The following KCNK5 variants were observed in gnomAD, a reference collection of about 807,000 sequenced individuals.
The protein encoded by KCNK5 is potassium channel subfamily K member 5.
Under a neutral mutation model 32.9 loss-of-function variants are expected in KCNK5, and 18 were observed. The ratio of observed to expected loss-of-function variants is 0.55; its 90% CI spans 0.38 to 0.81. The LOEUF (loss-of-function observed/expected upper bound fraction) is 0.81. Ranked by LOEUF, KCNK5 falls within the 30% of genes least tolerant of loss-of-function variation. The pLI is 0.00. For missense variants in KCNK5, 507 were observed against 651.0 expected, an observed-to-expected ratio of 0.78 and a Z score of 2.41; for synonymous variants, 276 against 275.3, an observed-to-expected ratio of 1.00 and a Z score of -0.03.
intron 1 of KCNK5, among the ~76,000 whole-genome samples, chr6:39,224,551 A>G (rs1771616863): frequency 6.6e-6 from 1 of 152,234 alleles, no homozygotes; most frequent in African/African-American, 2.4e-5. Context: ...GAGTGTGTAT[A>G]GACCAGTCCA....
At chr6:39,219,760 C>T (rs1245034033) in intron 1 of KCNK5, among the ~76,000 whole-genome samples, 1 of 152,148 alleles carries the variant, frequency 6.6e-6, no homozygotes, top group Non-Finnish European at 1.5e-5. Flanking sequence ...CAGACGGACA[C>T]AACAAACTGA....
intron 1 of KCNK5, among the ~76,000 whole-genome samples, chr6:39,221,713 G>A (rs1027822311): frequency 7.9e-5 from 12 of 152,106 alleles, no homozygotes; most frequent in African/African-American, 2.9e-4. Flanking sequence ...CAGGTTAGGG[G>A]CCCCCTGAGG....
chr6:39,192,526 TCA>T (rs1770960269), intron 4 of KCNK5, among the ~76,000 whole-genome samples: 1 of 152,130 alleles, frequency 6.6e-6, no homozygotes, highest in Non-Finnish European at 1.5e-5. Flanking sequence ...GGGGCTAGAC[TCA>T]CACTGGTGGA....
chr6:39,199,455 T>C (rs1292803414), intron 1 of KCNK5, among the ~76,000 whole-genome samples: 1 of 152,162 alleles, frequency 6.6e-6, no homozygotes, highest in Non-Finnish European at 1.5e-5. Flanking sequence ...CCATGACTTC[T>C]AGTATCCCTC....
chr6:39,205,970 C>T (rs1771217727), intron 1 of KCNK5, among the ~76,000 whole-genome samples: 1 of 152,210 alleles, frequency 6.6e-6, no homozygotes, highest in African/African-American at 2.4e-5. Context: ...CCACATTCAT[C>T]AAGCACCTCT....
At position 39,229,118 on chromosome 6, in the gene KCNK5, C is replaced by T; in HGVS notation, c.-7G>A. On this transcript the variant is annotated 5_prime_UTR_variant, in exon 1 of 5. Coordinates refer to ENST00000359534, the MANE Select transcript of KCNK5 (RefSeq NM_003740.4). ...GAGGGCCCCGGTCCACCATGGCTCC[C>T]GAGCGGCCGCCTCCTAGAGAAAGCC... is the stretch of plus-strand genomic sequence containing the variant. 1 of 1,613,436 alleles carries T rather than the reference C, an allele frequency of 6.2e-7. No homozygotes were observed. Among genetic ancestry groups the T allele is most frequent in the Non-Finnish European group, 8.5e-7 (1 of 1,179,730 alleles).
chr6:39,202,421 T>C (rs1407725492), intron 1 of KCNK5, among the ~76,000 whole-genome samples: 1 of 151,662 alleles, frequency 6.6e-6, no homozygotes, highest in African/African-American at 2.4e-5. Context: ...GTTGCAGAGG[T>C]GGGGATCACC....
chr6:39,192,080 G>A (rs1029927810), intron 4 of KCNK5, among the ~76,000 whole-genome samples: 6 of 151,932 alleles, frequency 3.9e-5, no homozygotes, highest in Non-Finnish European at 8.8e-5. Flanking sequence ...GATCACTTGA[G>A]GTCAGGAGTT....
rs144515993 is a variant in KCNK5, at chr6:39,191,397, G to A, written c.993C>T (p.Gly331=). ...AAGGGGGCAGTGCTGGGAGCCCACC[G>A]CCTTGAGGCCCCAGCCCTGGGCCCG... ...TGPGPGLGPQ[G]GGLPALPPSL... The change falls in exon 5 of 5, where the codon GGC becomes GGT. Residue 331 remains glycine, a synonymous_variant. Coordinates refer to ENST00000359534, the MANE Select transcript of KCNK5 (RefSeq NM_003740.4). This position sits in a 1 kb window ranked among gnomAD's most constrained non-coding sequence, Gnocchi z 5.8. The A allele has an allele frequency of 2.2e-5, 36 of 1,613,220 alleles. No homozygotes were observed. The African/African-American group carries it at 2.7e-4, about 12-fold the overall frequency.
In KCNK5 at chr6:39,229,219, A is replaced by C; in HGVS notation, c.-108T>G. ...CAGCTGTTTGAATTTGGAGCTCCGC[A>C]TGCGCAGTGCCCGGTACTCACCCCC... is the stretch of plus-strand genomic sequence containing the variant. On this transcript the variant is annotated 5_prime_UTR_variant, in exon 1 of 5. It removes an upstream start codon present in the reference 5' UTR. Coordinates refer to ENST00000359534, the MANE Select transcript of KCNK5 (RefSeq NM_003740.4). The C allele has an allele frequency of 8.9e-7, 1 of 1,120,464 alleles. No homozygotes were observed. The highest frequency in any genetic ancestry group is 2.2e-5 in the Admixed American group (1 of 45,644). 69.4% of individuals were successfully genotyped at this position (1,120,464 alleles called of 1,614,324 possible). A position where few individuals can be genotyped will look rare whatever the true frequency, so the allele number is the denominator to read the frequency against.
chr6:39,199,961 C>G (rs1771107729), intron 1 of KCNK5, among the ~76,000 whole-genome samples: 1 of 152,174 alleles, frequency 6.6e-6, no homozygotes, highest in African/African-American at 2.4e-5. Context: ...CTCCCTATTC[C>G]CACTGTGTGT....
chr6:39,190,565 A>G lies in KCNK5; in HGVS notation c.*325T>C, dbSNP rs2113775288. The G allele has an allele frequency of 4.2e-6, 1 of 235,748 alleles. No homozygotes were observed. Among genetic ancestry groups the G allele is most frequent in the Non-Finnish European group, 8.2e-6 (1 of 121,882 alleles). The allele number at this position is 235,748 out of a possible 1,614,324, so 14.6% of individuals were successfully genotyped here. ...GTGTGATACTCCACCAAATGGTGAG[A>G]CAAAGACCCTGCAGGCAAGGCCTCC... On this transcript the variant is annotated 3_prime_UTR_variant, in exon 5 of 5. Transcript: ENST00000359534.
intron 1 of KCNK5, among the ~76,000 whole-genome samples, chr6:39,215,911 G>C (rs553582643): frequency 6.6e-6 from 1 of 152,354 alleles, no homozygotes; most frequent in African/African-American, 2.4e-5. Context: ...ATAGTCGTAG[G>C]GGGAGGGGCT....
chr6:39,223,234 A>G (rs1347341837), intron 1 of KCNK5, among the ~76,000 whole-genome samples: 1 of 152,232 alleles, frequency 6.6e-6, no homozygotes, highest in Non-Finnish European at 1.5e-5. Flanking sequence ...TAAGCAAACT[A>G]TGGTGTGGCT....
At position 39,194,397 on chromosome 6, in the gene KCNK5, C is replaced by T; in HGVS notation, c.466-60G>A. 1 of 1,540,684 alleles carries T rather than the reference C, an allele frequency of 6.5e-7. No individual in the cohort carries two copies. Among genetic ancestry groups the T allele is most frequent in the Non-Finnish European group, 8.8e-7 (1 of 1,139,636 alleles). Reference sequence around the variant, plus strand: ...TGGAGACTTGGAAACCCAGCAAAGGCACCCAGAGGGCCAGGGAGGCAGCTA... The same window carrying T: ...TGGAGACTTGGAAACCCAGCAAAGGTACCCAGAGGGCCAGGGAGGCAGCTA... On this transcript the variant is annotated intron_variant, in intron 3 of 4. Coordinates refer to ENST00000359534, the MANE Select transcript of KCNK5 (RefSeq NM_003740.4). The surrounding 1 kb of genome is among the most constrained non-coding windows in gnomAD (Gnocchi z 4.7).
chr6:39,215,094 C>T (rs1330656009), intron 1 of KCNK5, among the ~76,000 whole-genome samples: 1 of 152,174 alleles, frequency 6.6e-6, no homozygotes, highest in East Asian at 1.9e-4. Flanking sequence ...CTTCTAGTCT[C>T]CCAACTGTGG....
At chr6:39,210,967 C>T (rs973750721) in intron 1 of KCNK5, among the ~76,000 whole-genome samples, 3 of 152,134 alleles carry the variant, frequency 2.0e-5, no homozygotes, top group African/African-American at 7.2e-5. Context: ...CAGTGCCCGC[C>T]CCTCCTCCCC....
chr6:39,224,713 G>C (rs1324518744), intron 1 of KCNK5, among the ~76,000 whole-genome samples: 1 of 152,110 alleles, frequency 6.6e-6, no homozygotes, highest in Non-Finnish European at 1.5e-5. Flanking sequence ...CTGGACTTTG[G>C]TCTGGGATGC....
At chr6:39,210,222 T>A (rs1771307636) in intron 1 of KCNK5, among the ~76,000 whole-genome samples, 1 of 152,160 alleles carries the variant, frequency 6.6e-6, no homozygotes, top group African/African-American at 2.4e-5. Context: ...TCAAGCCTGC[T>A]GAAGCAGAGC....
Sources: gnomAD v4.1 joint callset for allele counts (sites outside exome capture counted in the v4.1 genomes callset) on GRCh38, gnomAD v4.1.1 for gene constraint, Gnocchi (gnomAD v3.1) non-coding constraint, MANE v1.5 for transcripts, NCBI Gene and HGNC (gene_info 2026-07-23, HGNC 2026-07-21) for gene names.